AGO3: variants seen among roughly 807,000 people sequenced by gnomAD.
AGO3 encodes protein argonaute-3.
In AGO3, 16 loss-of-function variants were observed where a neutral mutation model predicts 105.5. That is an observed-to-expected ratio of 0.15 (90% CI 0.10 to 0.23). AGO3 has a LOEUF of 0.23. Among genes scored for constraint, AGO3 ranks in the 10% least tolerant of loss-of-function variants. The pLI is 1.00. For synonymous variants in AGO3, 340 were observed against 367.3 expected (o/e 0.93, Z 0.85); for missense variants, 534 against 1,088.0 (o/e 0.49, Z 7.16).
rs1211780848 is a variant in AGO3 at position 36,027,120 on chromosome 1, C to A, written c.1413C>A (p.Phe471Leu). The A allele has an allele frequency of 6.2e-7, 1 of 1,612,334 alleles. No homozygotes were observed. The highest frequency in any genetic ancestry group is 8.5e-7 in the Non-Finnish European group (1 of 1,179,230). ...RQCREEILKG[F>L]TDQLRKISKD... is the part of the protein sequence containing the mutation. ...TAGTGGTTTCTCCTTCCAGGGGTTT[C>A]ACAGACCAGCTGCGTAAGATTTCTA... Residue 471 changes from phenylalanine (F) to leucine (L), a missense_variant, in exon 12 of 19, where the codon TTC (phenylalanine) becomes TTA (leucine). This residue lies in a region of AGO3 where 373 missense variants were observed against 854.0 expected (regional missense o/e 0.44). Coordinates refer to ENST00000373191, the MANE Select transcript of AGO3 (RefSeq NM_024852.4). This position sits in a 1 kb window ranked among gnomAD's most constrained non-coding sequence, Gnocchi z 4.0.
rs377321011 is a variant in AGO3 at position 35,937,898 on chromosome 1, A to G, written c.19+6453A>G. On this transcript the variant is annotated intron_variant, in intron 1 of 18. Transcript: ENST00000373191. ...TACTACGTAGCTTTGCAGACTTAAC[A>G]TGTATAAAATCAGAGACATTTCATT... 6.6e-5 allele frequency among the ~76,000 whole-genome samples: 10 copies of G among 152,240 alleles called. No homozygotes were observed. The South Asian group carries it at 1.0e-3, about 16-fold the overall frequency.
At chr1:35,996,617 A>G (rs1036908287) in intron 5 of AGO3, among the ~76,000 whole-genome samples, 5 of 151,962 alleles carry the variant, frequency 3.3e-5, no homozygotes, top group Non-Finnish European at 7.4e-5. Context: ...CTAAAAGTAC[A>G]AAAATTAGGC....
At chr1:36,029,217 GATTAATAAGCTA>G (rs1478906871) in intron 12 of AGO3, among the ~76,000 whole-genome samples, 1 of 151,956 alleles carries the variant, frequency 6.6e-6, no homozygotes, top group Non-Finnish European at 1.5e-5. Context: ...AATTTTGTGA[GATTAATAAGCTA>G]AATATAAATC....
chr1:35,955,903 T>A (rs1470066501), intron 2 of AGO3, among the ~76,000 whole-genome samples: 1 of 152,040 alleles, frequency 6.6e-6, no homozygotes, highest in African/African-American at 2.4e-5. Flanking sequence ...CCTTAACTCT[T>A]ATGTGTTGCA....
rs554712480 is a variant in AGO3, at chr1:35,942,077, C to T, written c.20-3615C>T. 5.1e-4 allele frequency among the ~76,000 whole-genome samples: 78 copies of T among 152,120 alleles called. No individual in the cohort carries two copies. In the Middle Eastern group the frequency reaches 0.01, roughly 20 times the overall value. ...GCAGAGCCAGTACTAAGGGCTAGTACGGAATTTGTACAGTATTACTTATCT... is the reference window on the plus strand; with the variant it reads ...GCAGAGCCAGTACTAAGGGCTAGTATGGAATTTGTACAGTATTACTTATCT... On this transcript the variant is annotated intron_variant, in intron 1 of 18. Transcript: ENST00000373191.
At chr1:35,978,039 A>G (rs1349197465) in intron 5 of AGO3, among the ~76,000 whole-genome samples, 1 of 152,160 alleles carries the variant, frequency 6.6e-6, no homozygotes, top group Non-Finnish European at 1.5e-5. Flanking sequence ...TTTTGGTAAC[A>G]TAGTCTTCCC....
At chr1:35,977,736 C>T (rs1008316840) in intron 5 of AGO3, among the ~76,000 whole-genome samples, 1 of 151,956 alleles carries the variant, frequency 6.6e-6, no homozygotes, top group Non-Finnish European at 1.5e-5. Flanking sequence ...TTGTGGTTTT[C>T]CCAGTCTGTT....
chr1:35,987,502 G>A (rs1314429486), intron 5 of AGO3, among the ~76,000 whole-genome samples: 1 of 151,344 alleles, frequency 6.6e-6, no homozygotes, highest in African/African-American at 2.4e-5. Flanking sequence ...CAAAAAAAAA[G>A]CAAAAGGATA....
chr1:36,050,218 G>T (rs1004865148), intron 17 of AGO3, among the ~76,000 whole-genome samples: 16 of 152,214 alleles, frequency 1.1e-4, no homozygotes, highest in African/African-American at 3.4e-4. Context: ...AGGTGTGGTG[G>T]CTCATGCCTA....
chr1:36,029,272 A>T (rs1451622487), intron 12 of AGO3, among the ~76,000 whole-genome samples: 3 of 152,184 alleles, frequency 2.0e-5, no homozygotes, highest in Admixed American at 2.0e-4. Flanking sequence ...AGAAAATATA[A>T]TTTTCAAACC....
chr1:35,951,360 A>G (rs1269895172), intron 2 of AGO3, among the ~76,000 whole-genome samples: 3 of 152,118 alleles, frequency 2.0e-5, no homozygotes, highest in Non-Finnish European at 4.4e-5. Flanking sequence ...ATTTCTGCAT[A>G]TTTCATATTG....
intron 5 of AGO3, among the ~76,000 whole-genome samples, chr1:35,977,494 G>A (rs548904148): frequency 1.3e-5 from 2 of 150,404 alleles, no homozygotes; most frequent in South Asian, 4.2e-4. Context: ...CCAGGGTCAA[G>A]CGATCTTCCC....
At chr1:36,020,799 G>A (rs1051659276) in intron 11 of AGO3, among the ~76,000 whole-genome samples, 4 of 151,626 alleles carry the variant, frequency 2.6e-5, no homozygotes, top group Admixed American at 6.6e-5. Flanking sequence ...TGTATTTTTA[G>A]TAGAGATGGG....
Position 36,056,597 on chromosome 1 carries a change from G to GAC in AGO3, c.*860_*861dup, listed in dbSNP as rs1642924234. Reference sequence around the variant, plus strand: ...ATGTATACATACATACACAGACACAGACACACACATATATATACATAAAAT... The same window carrying GAC: ...ATGTATACATACATACACAGACACAGACACACACACATATATATACATAAAAT... On this transcript the variant is annotated 3_prime_UTR_variant, in exon 19 of 19. Coordinates refer to ENST00000373191, the MANE Select transcript of AGO3 (RefSeq NM_024852.4). 1.3e-5 allele frequency: 2 copies of GAC among 151,882 alleles called. No homozygotes were observed. The highest frequency in any genetic ancestry group is 2.9e-5 in the Non-Finnish European group (2 of 67,968). The allele number at this position is 151,882 out of a possible 1,614,324, so 9.4% of individuals were successfully genotyped here. A position where few individuals can be genotyped will look rare whatever the true frequency, so the allele number is the denominator to read the frequency against.
At chr1:36,009,437 A>G (rs371043450) in intron 8 of AGO3, 38 bp from the exon 9 acceptor site, 11 of 1,568,320 alleles carry the variant, frequency 7.0e-6, no homozygotes, top group Non-Finnish European at 7.7e-6. Flanking sequence ...AAAAAAAAAG[A>G]TATATACATG....
intron 5 of AGO3, among the ~76,000 whole-genome samples, chr1:35,986,105 A>G (rs1488826326): frequency 6.6e-6 from 1 of 152,156 alleles, no homozygotes; most frequent in Non-Finnish European, 1.5e-5. Context: ...AGTAAAAGGA[A>G]CTCTCACACA....
chr1:35,984,197 A>C (rs535048202), intron 5 of AGO3, among the ~76,000 whole-genome samples: 7 of 152,290 alleles, frequency 4.6e-5, no homozygotes, highest in African/African-American at 1.7e-4. Context: ...AGCTGGGCAC[A>C]GGGGCTCACG....
intron 12 of AGO3, 146 bp from the exon 13 acceptor site, chr1:36,034,028 C>T (rs1401922735): frequency 7.0e-6 from 4 of 572,360 alleles, no homozygotes; most frequent in African/African-American, 1.9e-5. Context: ...TTAACAGCAT[C>T]GCCTTAGTAC....
At position 36,057,893 on chromosome 1, in the gene AGO3, G is replaced by A. The variant is rs1029122971; in HGVS notation, c.*2148G>A. 1.3e-4 allele frequency: 20 copies of A among 151,960 alleles called. No homozygotes were observed. The highest frequency in any genetic ancestry group is 4.6e-4 in the African/African-American group (19 of 41,356). 9.4% of individuals were successfully genotyped at this position (151,960 alleles called of 1,614,324 possible). On this transcript the variant is annotated 3_prime_UTR_variant, in exon 19 of 19. Transcript: ENST00000373191. The stretch of plus-strand genomic sequence containing the variant: ...TCGGGAGGCTGAGGCAGGATTGCTT[G>A]AACCTAGGAGGCGGAAGTTACAGTG...
Sources: allele counts gnomAD v4.1 joint callset (sites outside exome capture counted in the v4.1 genomes callset), GRCh38; gene constraint gnomAD v4.1.1; regional missense constraint gnomAD v4.1.1; non-coding constraint Gnocchi (gnomAD v3.1); transcripts MANE v1.5; gene names NCBI Gene and HGNC (gene_info 2026-07-23, HGNC 2026-07-21).